Variants in PAPSS1 observed in about 807,000 individuals in gnomAD.
PAPSS1 encodes the protein bifunctional 3'-phosphoadenosine 5'-phosphosulfate synthase 1.
PAPSS1 carries 50 observed loss-of-function variants against 72.0 expected under a neutral mutation model. That is an observed-to-expected ratio of 0.69 (90% CI 0.55 to 0.88). The LOEUF is 0.88. PAPSS1 is among the 40% of genes least tolerant of loss of function. The pLI, the probability that PAPSS1 is intolerant of heterozygous loss-of-function variation, is 0.00. For missense variants in PAPSS1, 657 were observed against 782.2 expected (o/e 0.84, Z 1.91); for synonymous variants, 261 against 263.6 (o/e 0.99, Z 0.09).
intron 5 of PAPSS1, among the ~76,000 whole-genome samples, chr4:107,677,040 T>C (rs1273918641): frequency 1.3e-5 from 2 of 152,200 alleles, no homozygotes; most frequent in Non-Finnish European, 2.9e-5. Flanking sequence ...TAATTCAAGA[T>C]GGATTAAAGA....
At chr4:107,616,851 A>G (rs980906094) in intron 11 of PAPSS1, among the ~76,000 whole-genome samples, 1 of 152,184 alleles carries the variant, frequency 6.6e-6, no homozygotes, top group Non-Finnish European at 1.5e-5. Context: ...TAGTTACTGA[A>G]GTTTGGGCTA....
intron 5 of PAPSS1, among the ~76,000 whole-genome samples, chr4:107,666,596 C>T (rs182009117): frequency 2.6e-4 from 39 of 152,176 alleles, no homozygotes; most frequent in Middle Eastern, 6.8e-3. Flanking sequence ...ACCAAAGGAC[C>T]CATCATCCTA....
At chr4:107,658,906 T>A (rs1323476279) in intron 6 of PAPSS1, among the ~76,000 whole-genome samples, 9 of 152,190 alleles carry the variant, frequency 5.9e-5, no homozygotes. Context: ...GCCTTCCAGA[T>A]GCTCTGCCAA....
chr4:107,693,667 G>A (rs1272715419), intron 3 of PAPSS1, 104 bp downstream of exon 3: 5 of 741,452 alleles, frequency 6.7e-6, no homozygotes, highest in South Asian at 3.4e-5. Context: ...GGGAGGAGTA[G>A]AGTTAGCCTC....
chr4:107,639,745 C>T (rs994216169), intron 10 of PAPSS1, among the ~76,000 whole-genome samples: 1 of 152,148 alleles, frequency 6.6e-6, no homozygotes, highest in Non-Finnish European at 1.5e-5. Flanking sequence ...ACATCAGTTG[C>T]TAGAGCTCTT....
intron 2 of PAPSS1, 110 bp from the exon 3 acceptor site, chr4:107,694,116 G>C (rs1460778322): frequency 1.3e-6 from 1 of 742,902 alleles, no homozygotes. Flanking sequence ...ACCCAGGCTG[G>C]AGTGCAGAGG....
chr4:107,632,220 A>G (rs960429188), intron 10 of PAPSS1, among the ~76,000 whole-genome samples: 1 of 152,144 alleles, frequency 6.6e-6, no homozygotes, highest in Non-Finnish European at 1.5e-5. Context: ...AAGTCAGGAT[A>G]ATGGCTGATC....
chr4:107,719,204 T>A (rs1249821661), intron 1 of PAPSS1, among the ~76,000 whole-genome samples: 4 of 112,720 alleles, frequency 3.5e-5, no homozygotes, highest in Admixed American at 1.8e-4. Context: ...TTTTCTTTGA[T>A]TCATCTAGGG....
At chr4:107,711,830 T>C (rs987724027) in intron 1 of PAPSS1, among the ~76,000 whole-genome samples, 4 of 152,210 alleles carry the variant, frequency 2.6e-5, no homozygotes, top group Non-Finnish European at 4.4e-5. Flanking sequence ...ATTTTAAATA[T>C]TAATAAGTCA....
intron 3 of PAPSS1, among the ~76,000 whole-genome samples, chr4:107,690,680 A>G (rs1237947313): frequency 4.6e-5 from 7 of 152,212 alleles, no homozygotes; most frequent in East Asian, 1.9e-4. Flanking sequence ...AGAAAAATAC[A>G]CATGTCCTGT....
chr4:107,707,499 C>T (rs1240681167), intron 1 of PAPSS1, among the ~76,000 whole-genome samples: 4 of 152,132 alleles, frequency 2.6e-5, no homozygotes, highest in East Asian at 1.9e-4. Flanking sequence ...TCTGGGGCTA[C>T]GGGGGCCTGC....
chr4:107,623,783 T>C (rs1047972993), intron 11 of PAPSS1, among the ~76,000 whole-genome samples: 3 of 152,198 alleles, frequency 2.0e-5, no homozygotes, highest in Non-Finnish European at 4.4e-5. Flanking sequence ...CTCAAGTTTG[T>C]TAGTTTTACC....
intron 3 of PAPSS1, among the ~76,000 whole-genome samples, chr4:107,691,455 A>G (rs1722915099): frequency 6.6e-6 from 1 of 152,014 alleles, no homozygotes; most frequent in South Asian, 2.1e-4. Flanking sequence ...CCTGCCTCTC[A>G]CCTCTATACT....
intron 3 of PAPSS1, among the ~76,000 whole-genome samples, chr4:107,688,266 G>T (rs1722838407): frequency 6.6e-6 from 1 of 152,104 alleles, no homozygotes; most frequent in African/African-American, 2.4e-5. Context: ...ACTGCTAAGG[G>T]AAGTTCACCC....
chr4:107,622,219 A>C (rs1022513723), intron 11 of PAPSS1, among the ~76,000 whole-genome samples: 4 of 152,222 alleles, frequency 2.6e-5, no homozygotes, highest in Non-Finnish European at 5.9e-5. Flanking sequence ...TCTTCAACGT[A>C]GTCGATTCCA....
chr4:107,675,154 G>A (rs1270884015), intron 5 of PAPSS1, among the ~76,000 whole-genome samples: 2 of 152,062 alleles, frequency 1.3e-5, no homozygotes, highest in African/African-American at 4.8e-5. Context: ...ACATTCAAAA[G>A]CTAGCAGAAG....
chr4:107,614,224 A>G lies in PAPSS1; in HGVS notation c.*25T>C, dbSNP rs780597145. On this transcript the variant is annotated 3_prime_UTR_variant, in exon 12 of 12. Transcript: ENST00000265174. ...CCCTCTTGTTACTAGTAATGTGTCA[A>G]AGGTGGAGTGACTGGGTTAACAGCC... 1 of 1,608,472 alleles carries G rather than the reference A, an allele frequency of 6.2e-7. No homozygotes were observed. Among genetic ancestry groups the G allele is most frequent in the Non-Finnish European group, 8.5e-7 (1 of 1,176,700 alleles).
intron 2 of PAPSS1, among the ~76,000 whole-genome samples, chr4:107,696,593 G>C (rs1320942678): frequency 6.6e-6 from 1 of 152,034 alleles, no homozygotes; most frequent in East Asian, 1.9e-4. Context: ...AGTGGGGGTA[G>C]GTAGGGGAGG....
rs775752739 is a variant in PAPSS1 at position 107,657,004 on chromosome 4, C to A, written c.787G>T (p.Asp263Tyr). ...GCCAAAACCTGCACCCACTGCATAT[C>A]CACCTAGTAAATTTGAAAGTAAAGC... ...TLPALKINKV[D>Y]MQWVQVLAEG... Residue 263 changes from aspartate to tyrosine, a missense_variant, in exon 7 of 12, where the codon GAT becomes TAT. By Grantham distance (160) the Asp-to-Tyr change is radical. This residue lies in a region of PAPSS1 where 190 missense variants were observed against 176.7 expected (regional missense o/e 1.07). Coordinates refer to ENST00000265174, the MANE Select transcript of PAPSS1 (RefSeq NM_005443.5). 1 of 1,610,726 alleles carries A rather than the reference C, an allele frequency of 6.2e-7. No homozygotes were observed. The highest frequency in any genetic ancestry group is 8.5e-7 in the Non-Finnish European group (1 of 1,176,990).
Sources: allele counts gnomAD v4.1 joint callset (sites outside exome capture counted in the v4.1 genomes callset), GRCh38; gene constraint gnomAD v4.1.1; regional missense constraint gnomAD v4.1.1; transcripts MANE v1.5; gene names NCBI Gene and HGNC (gene_info 2026-07-23, HGNC 2026-07-21).